The following NAPG variants were observed in gnomAD, a reference collection of about 807,000 sequenced individuals.
The protein encoded by NAPG is gamma-soluble NSF attachment protein.
Under a neutral mutation model 48.4 loss-of-function variants are expected in NAPG, and 25 were observed. The ratio of observed to expected loss-of-function variants is 0.52; its 90% confidence interval spans 0.38 to 0.72. The LOEUF (loss-of-function observed/expected upper bound fraction) is 0.72. Among genes scored for constraint, NAPG ranks in the 30% least tolerant of loss-of-function variants. The probability of loss-of-function intolerance (pLI) is 0.00; values close to 1 mark genes in which losing one functional copy is unlikely to be tolerated. For synonymous variants in NAPG, 139 were observed against 127.2 expected, an observed-to-expected ratio of 1.09 and a Z score of -0.62; for missense variants, 359 against 372.5, an observed-to-expected ratio of 0.96 and a Z score of 0.30.
At chr18:10,526,221 C>G (rs1171827745) in intron 1 of NAPG, 63 bp downstream of exon 1, 14 of 728,146 alleles carry the variant, frequency 1.9e-5, no homozygotes, top group Non-Finnish European at 4.7e-6. Context: ...CTGGCGCGGC[C>G]TTAGCACCCG....
At position 10,540,530 on chromosome 18, in the gene NAPG, A is replaced by G. The variant is rs190952091; in HGVS notation, c.506+131A>G. 164 of 627,584 alleles carry G rather than the reference A, an allele frequency of 2.6e-4. No individual in the cohort carries two copies. The African/African-American group carries it at 2.8e-3, about 11-fold the overall frequency. The allele number at this position is 627,584 out of a possible 1,614,324, so 38.9% of individuals were successfully genotyped here. On this transcript the variant is annotated intron_variant, in intron 8 of 11. Transcript: ENST00000322897. ...GTAGACACACCAGGCCACACAATAG[A>G]ATATTAACATTTACTAGACAGTAGG...
At chr18:10,526,239 CG>C in intron 1 of NAPG, 81 bp downstream of exon 1, 1 of 349,036 alleles carries the variant, frequency 2.9e-6, no homozygotes, top group Non-Finnish European at 5.8e-6. Context: ...CCGGGGGGGG[CG>C]GGAGGGAGGG....
In NAPG at chr18:10,548,092, C is replaced by T. The variant is rs1165704209; in HGVS notation, c.586-207C>T. 6.6e-6 allele frequency among the ~76,000 whole-genome samples: 1 copy of T among 152,160 alleles called. No individual in the cohort carries two copies. The highest frequency in any genetic ancestry group is 1.5e-5 in the Non-Finnish European group (1 of 68,038). On this transcript the variant is annotated intron_variant, in intron 9 of 11. Transcript: ENST00000322897. The surrounding 1 kb of genome is among the most constrained non-coding windows in gnomAD (Gnocchi z 4.4). ...TGAATCCCAGGCTTGCCCCTAGCAG[C>T]CAAATTCCAGGACATGAGAATTGGA... is the stretch of plus-strand genomic sequence containing the variant.
rs1390428927 is a variant in NAPG, at chr18:10,550,597, T to C, written c.*377T>C. ...AAGTTACTGTTAGTGAATTGTTTTT[T>C]ACGTTTCATTTAATAATTGCTGCTA... On this transcript the variant is annotated 3_prime_UTR_variant, in exon 12 of 12. Transcript: ENST00000322897. The C allele has an allele frequency of 6.4e-6, 1 of 157,326 alleles. No homozygotes were observed. The highest frequency in any genetic ancestry group is 2.4e-5 in the African/African-American group (1 of 41,534). The allele number at this position is 157,326 out of a possible 1,614,324, so 9.7% of individuals were successfully genotyped here. A position where few individuals can be genotyped will look rare whatever the true frequency, so the allele number is the denominator to read the frequency against.
intron 5 of NAPG, among the ~76,000 whole-genome samples, chr18:10,535,576 C>T (rs1235412549): frequency 1.3e-5 from 2 of 152,162 alleles, no homozygotes; most frequent in Non-Finnish European, 2.9e-5. Context: ...GCCTGGCCAA[C>T]ATGGTGAAAC....
chr18:10,548,318 T>TA lies in NAPG; in HGVS notation c.606dup (p.Val203SerfsTer7), dbSNP rs748440490. The stretch of plus-strand genomic sequence containing the variant: ...TTTTAGAAAACAATTGCTCAAGTCT[T>TA]AGTTCATCTACACAGAAATGACTAT... On this transcript the variant is annotated frameshift_variant, in exon 10 of 12. Coordinates refer to ENST00000322897, the MANE Select transcript of NAPG (RefSeq NM_003826.3). LOFTEE classifies it high-confidence loss of function. The surrounding 1 kb of genome is among the most constrained non-coding windows in gnomAD (Gnocchi z 4.4). 1 of 1,613,298 alleles carries TA rather than the reference T, an allele frequency of 6.2e-7. No individual in the cohort carries two copies. The highest frequency in any genetic ancestry group is 1.1e-5 in the South Asian group (1 of 91,034).
chr18:10,548,601 T>C lies in NAPG; in HGVS notation c.665+223T>C, dbSNP rs547147589. ...GGACCTCCATGGAAGTGAATGACTTTAGTCATTTTAGTCATTTTATTTGCC... is the reference window on the plus strand; with the variant it reads ...GGACCTCCATGGAAGTGAATGACTTCAGTCATTTTAGTCATTTTATTTGCC... On this transcript the variant is annotated intron_variant, in intron 10 of 11. Transcript: ENST00000322897. The surrounding 1 kb of genome is among the most constrained non-coding windows in gnomAD (Gnocchi z 4.4). 1.7e-4 allele frequency among the ~76,000 whole-genome samples: 26 copies of C among 152,124 alleles called. No homozygotes were observed. Among genetic ancestry groups the C allele is most frequent in the African/African-American group, 6.3e-4 (26 of 41,498 alleles).
At chr18:10,532,024 T>G (rs968995977) in intron 2 of NAPG, among the ~76,000 whole-genome samples, 2 of 152,222 alleles carry the variant, frequency 1.3e-5, no homozygotes, top group African/African-American at 4.8e-5. Context: ...AGCACTTTTC[T>G]TAAAGCATTA....
chr18:10,526,188 G>A (rs1269783418), intron 1 of NAPG, 30 bp downstream of exon 1: 2 of 1,485,636 alleles, frequency 1.3e-6, no homozygotes, highest in East Asian at 2.7e-5. Context: ...GGGCCTGTGT[G>A]TAGACGCCGG....
Position 10,550,248 on chromosome 18 carries a change from A to G in NAPG, c.*28A>G. 1 of 1,562,160 alleles carries G rather than the reference A, an allele frequency of 6.4e-7. No homozygotes were observed. The highest frequency in any genetic ancestry group is 8.6e-7 in the Non-Finnish European group (1 of 1,158,528). On this transcript the variant is annotated 3_prime_UTR_variant, in exon 12 of 12. Transcript: ENST00000322897. ...TTTTGCTTGCTGAAAAGAAAAGGGA[A>G]ACAAAGGTAAAATCCTGACATGCCA...
Position 10,550,054 on chromosome 18 carries a change from A to G in NAPG, c.796-23A>G, listed in dbSNP as rs368332280. On this transcript the variant is annotated intron_variant, in intron 11 of 11. Transcript: ENST00000322897. ...TAGGATTCTAGTTATCCAGCTTTTA[A>G]GAACATGTTCTGTTGTTGACAGTAT... 25 of 1,502,210 alleles carry G rather than the reference A, an allele frequency of 1.7e-5. No individual in the cohort carries two copies. In the African/African-American group the frequency reaches 3.7e-4, roughly 22 times the overall value. 93.1% of individuals were successfully genotyped at this position (1,502,210 alleles called of 1,614,324 possible). A position where few individuals can be genotyped will look rare whatever the true frequency, so the allele number is the denominator to read the frequency against.
intron 1 of NAPG, 84 bp downstream of exon 1, chr18:10,526,242 G>GGGGGGGGGGT: frequency 1.4e-6 from 1 of 694,532 alleles, no homozygotes; most frequent in Non-Finnish European, 2.5e-6. Flanking sequence ...GGGGGGGCGG[G>GGGGGGGGGGT]AGGGAGGGCT....
chr18:10,551,028 CTT>C lies in NAPG; in HGVS notation c.*811_*812del, dbSNP rs1251921250. 2.0e-5 allele frequency: 3 copies of C among 151,044 alleles called. No individual in the cohort carries two copies. The highest frequency in any genetic ancestry group is 1.9e-4 in the East Asian group (1 of 5,178). 9.4% of individuals were successfully genotyped at this position (151,044 alleles called of 1,614,324 possible). On this transcript the variant is annotated 3_prime_UTR_variant, in exon 12 of 12. Transcript: ENST00000322897. Reference sequence around the variant, plus strand: ...TGTTTTTTTTTTTAAGGGTCTCACTCTTTTGCCCAGGCTGGAGTGCAGTGGCA... The same window carrying C: ...TGTTTTTTTTTTTAAGGGTCTCACTCTTGCCCAGGCTGGAGTGCAGTGGCA...
chr18:10,534,396 C>T lies in NAPG; in HGVS notation c.228-70C>T. 2.2e-6 allele frequency: 3 copies of T among 1,385,960 alleles called. No homozygotes were observed. Among genetic ancestry groups the T allele is most frequent in the Non-Finnish European group, 3.1e-6 (3 of 975,860 alleles). The allele number at this position is 1,385,960 out of a possible 1,614,324, so 85.9% of individuals were successfully genotyped here. A position where few individuals can be genotyped will look rare whatever the true frequency, so the allele number is the denominator to read the frequency against. ...AAGTCACTTTCCTTACCAGTAGTTC[C>T]TCACCAGAAAGTTTCTTCTACCCCT... On this transcript the variant is annotated intron_variant, in intron 4 of 11. Coordinates refer to ENST00000322897, the MANE Select transcript of NAPG (RefSeq NM_003826.3). The surrounding 1 kb of genome is among the most constrained non-coding windows in gnomAD (Gnocchi z 5.0).
rs1209064627 is a variant in NAPG at position 10,552,262 on chromosome 18, G to A, written c.*2042G>A. 1.3e-5 allele frequency: 2 copies of A among 152,216 alleles called. No individual in the cohort carries two copies. The highest frequency in any genetic ancestry group is 2.9e-5 in the Non-Finnish European group (2 of 68,040). 9.4% of individuals were successfully genotyped at this position (152,216 alleles called of 1,614,324 possible). On this transcript the variant is annotated 3_prime_UTR_variant, in exon 12 of 12. Coordinates refer to ENST00000322897, the MANE Select transcript of NAPG (RefSeq NM_003826.3). ...CAGCTATGCTTTAAACCACACAAAAGGCTGTGTCCAGGTGCAGCCTCCTTC... is the reference window on the plus strand; with the variant it reads ...CAGCTATGCTTTAAACCACACAAAAAGCTGTGTCCAGGTGCAGCCTCCTTC...
intron 4 of NAPG, 68 bp downstream of exon 4, chr18:10,533,621 T>A: frequency 7.4e-7 from 1 of 1,353,772 alleles, no homozygotes; most frequent in African/African-American, 1.5e-5. Context: ...TTCTGTAGGT[T>A]GGTAATTTTT....
intron 1 of NAPG, 86 bp from the exon 2 acceptor site, chr18:10,530,684 T>TA: frequency 4.7e-6 from 3 of 631,976 alleles, no homozygotes; most frequent in Admixed American, 4.6e-5. Flanking sequence ...TTTTTTTTTT[T>TA]AAAGACCTAG....
rs1353469802 is a variant in NAPG at position 10,527,430 on chromosome 18, G to A, written c.56+1272G>A. ...ACTCAAGCTCTATCACATGACTCGA[G>A]GCAGTCAGCGTGTAAGGTGCTGGGG... On this transcript the variant is annotated intron_variant, in intron 1 of 11. Coordinates refer to ENST00000322897, the MANE Select transcript of NAPG (RefSeq NM_003826.3). 2.6e-5 allele frequency among the ~76,000 whole-genome samples: 4 copies of A among 152,304 alleles called. No individual in the cohort carries two copies. The East Asian group carries it at 7.7e-4, about 29-fold the overall frequency.
At position 10,539,833 on chromosome 18, in the gene NAPG, C is replaced by T. The variant is rs745972917; in HGVS notation, c.330C>T (p.Thr110=). The change falls in exon 6 of 12, where the codon ACC becomes ACT. Residue 110 remains threonine, a synonymous_variant. Transcript: ENST00000322897. The surrounding 1 kb of genome is among the most constrained non-coding windows in gnomAD (Gnocchi z 4.7). ...GCATGATGTATCTAGAAAACGGCAC[C>T]CCAGACACAGCAGCCATGGCTTTGG... ...KASMMYLENG[T]PDTAAMALER... is the part of the protein sequence containing the mutation. 5 of 1,613,948 alleles carry T rather than the reference C, an allele frequency of 3.1e-6. No homozygotes were observed. In the East Asian group the frequency reaches 6.7e-5, roughly 22 times the overall value.
Sources: allele counts gnomAD v4.1 joint callset (sites outside exome capture counted in the v4.1 genomes callset), GRCh38; gene constraint gnomAD v4.1.1; non-coding constraint Gnocchi (gnomAD v3.1); transcripts MANE v1.5; gene names NCBI Gene and HGNC (gene_info 2026-07-23, HGNC 2026-07-21).